Variants in ELMOD2 observed in about 807,000 individuals in gnomAD.
The protein encoded by ELMOD2 is ELMO domain-containing protein 2.
ELMOD2 carries 28 observed loss-of-function variants against 41.0 expected under a neutral mutation model. The ratio of observed to expected loss-of-function variants is 0.68; its 90% confidence interval spans 0.51 to 0.94. ELMOD2 has a LOEUF of 0.94. Ranked by LOEUF, ELMOD2 falls within the 40% of genes least tolerant of loss-of-function variation. ELMOD2 has a pLI of 0.00. For synonymous variants in ELMOD2, 106 were observed against 107.2 expected, an observed-to-expected ratio of 0.99 and a Z score of 0.07; for missense variants, 333 against 343.1, an observed-to-expected ratio of 0.97 and a Z score of 0.23.
In ELMOD2 at chr4:140,525,579, A is replaced by C; in HGVS notation, c.142+9A>C. ...AAGGACACACAGGATAGGTAATGTT[A>C]TTCAAAAAGAAAAAGTACTAATAAA... is the stretch of plus-strand genomic sequence containing the variant. On this transcript the variant is annotated intron_variant, in intron 2 of 8. Coordinates refer to ENST00000323570, the MANE Select transcript of ELMOD2 (RefSeq NM_153702.4). 1 of 1,588,978 alleles carries C rather than the reference A, an allele frequency of 6.3e-7. No individual in the cohort carries two copies.
At chr4:140,540,887 A>T (rs1283021782) in intron 6 of ELMOD2, among the ~76,000 whole-genome samples, 2 of 151,700 alleles carry the variant, frequency 1.3e-5, no homozygotes, top group African/African-American at 2.4e-5. Flanking sequence ...GCCTTTATTC[A>T]CTTGCTTTTT....
At chr4:140,537,302 A>T in intron 4 of ELMOD2, 110 bp from the exon 5 acceptor site, 1 of 1,002,668 alleles carries the variant, frequency 1.0e-6, no homozygotes, top group Non-Finnish European at 1.3e-6. Context: ...GTCTTATATT[A>T]AACTGAAAGC....
In ELMOD2 at chr4:140,550,444, AATT is replaced by A; in HGVS notation, c.*72_*74del. On this transcript the variant is annotated 3_prime_UTR_variant, in exon 9 of 9. Transcript: ENST00000323570. ...AACAGAATTTATATGTTGTAATAGG[AATT>A]ATCTGATCAATTACACTCTTATATA... 7.0e-7 allele frequency: 1 copy of A among 1,423,284 alleles called. No individual in the cohort carries two copies. Among genetic ancestry groups the A allele is most frequent in the Non-Finnish European group, 9.5e-7 (1 of 1,054,614 alleles). The allele number at this position is 1,423,284 out of a possible 1,614,324, so 88.2% of individuals were successfully genotyped here.
At chr4:140,524,598 C>T (rs1270380803) in intron 1 of ELMOD2, 1 of 985,480 alleles carries the variant, frequency 1.0e-6, no homozygotes, top group Non-Finnish European at 1.2e-6. Flanking sequence ...GCTATGCGCT[C>T]TTTCTGCACT....
chr4:140,539,972 T>A (rs1011050479), intron 5 of ELMOD2, among the ~76,000 whole-genome samples, 196 bp from the exon 6 acceptor site: 6 of 152,230 alleles, frequency 3.9e-5, no homozygotes, highest in African/African-American at 1.4e-4. Context: ...TTATTTGTTA[T>A]CTTTTCAAAA....
chr4:140,533,733 T>C (rs1035151290), intron 3 of ELMOD2, among the ~76,000 whole-genome samples: 2 of 152,160 alleles, frequency 1.3e-5, no homozygotes, highest in Non-Finnish European at 2.9e-5. Context: ...GACTTGTATC[T>C]AGTAAATAAC....
Position 140,525,560 on chromosome 4 carries a change from A to G in ELMOD2, c.132A>G (p.Thr44=). The G allele has an allele frequency of 6.2e-7, 1 of 1,609,058 alleles. No homozygotes were observed. The highest frequency in any genetic ancestry group is 1.1e-5 in the South Asian group (1 of 89,634). Residue 44 remains threonine, a synonymous_variant, in exon 2 of 9, where the codon ACA becomes ACG. Coordinates refer to ENST00000323570, the MANE Select transcript of ELMOD2 (RefSeq NM_153702.4). ...IFDTYVGAQR[T]HRIENSLTYS... is the part of the protein sequence containing the mutation. ...ATACCTATGTAGGTGCACAAAGGAC[A>G]CACAGGATAGGTAATGTTATTCAAA...
At chr4:140,544,513 G>A (rs1196216480) in intron 8 of ELMOD2, among the ~76,000 whole-genome samples, 2 of 151,878 alleles carry the variant, frequency 1.3e-5, no homozygotes, top group Non-Finnish European at 1.5e-5. Flanking sequence ...TCTCCACATT[G>A]AAAGTATAGT....
chr4:140,544,849 G>A (rs1735222121), intron 8 of ELMOD2, among the ~76,000 whole-genome samples: 1 of 152,064 alleles, frequency 6.6e-6, no homozygotes, highest in Non-Finnish European at 1.5e-5. Flanking sequence ...GCTCTTCTCT[G>A]GGAAGTTTAT....
rs748154758 is a variant in ELMOD2, at chr4:140,535,806, ATATT to A, written c.246_249del (p.Asn82LysfsTer13). On this transcript the variant is annotated frameshift_variant, in exon 4 of 9. Transcript: ENST00000323570. LOFTEE classifies it high-confidence loss of function. ...GTAGATGATATTATGAAGGAAAAGA[ATATT>A]AACCCTGAGAAGGATGCCAGGTGTG... 6.2e-7 allele frequency: 1 copy of A among 1,609,224 alleles called. No individual in the cohort carries two copies. The highest frequency in any genetic ancestry group is 1.1e-5 in the South Asian group (1 of 89,538).
intron 8 of ELMOD2, 65 bp downstream of exon 8, chr4:140,543,651 T>A: frequency 8.2e-7 from 1 of 1,213,328 alleles, no homozygotes; most frequent in Middle Eastern, 2.9e-4. Context: ...TAGGAATGTA[T>A]AATATATATT....
At chr4:140,538,925 C>G (rs545290341) in intron 5 of ELMOD2, among the ~76,000 whole-genome samples, 28 of 152,306 alleles carry the variant, frequency 1.8e-4, no homozygotes, top group African/African-American at 6.3e-4. Flanking sequence ...TGGTTCTACA[C>G]TGTGGCTCTC....
chr4:140,531,763 T>G (rs1389624024), intron 3 of ELMOD2, among the ~76,000 whole-genome samples: 1 of 152,224 alleles, frequency 6.6e-6, no homozygotes, highest in Non-Finnish European at 1.5e-5. Flanking sequence ...GCCAGTAAAT[T>G]GTTTGATTTT....
At chr4:140,549,681 C>CTTTTTT (rs10538089) in intron 8 of ELMOD2, among the ~76,000 whole-genome samples, 5 of 42,968 alleles carry the variant, frequency 1.2e-4, no homozygotes, top group African/African-American at 2.3e-4. Context: ...AGTACTACAT[C>CTTTTTT]TTTTTTTTTT....
At position 140,542,538 on chromosome 4, in the gene ELMOD2, G is replaced by A. The variant is rs190121947; in HGVS notation, c.534-36G>A. On this transcript the variant is annotated intron_variant, in intron 6 of 8. Transcript: ENST00000323570. Reference sequence around the variant, plus strand: ...TCTGGATATCTTACATTTGAATGGCGTACATTTGTTTGATTATTTTTCTTA... The same window carrying A: ...TCTGGATATCTTACATTTGAATGGCATACATTTGTTTGATTATTTTTCTTA... The A allele has an allele frequency of 6.1e-6, 9 of 1,473,330 alleles. No individual in the cohort carries two copies. The East Asian group carries it at 6.9e-5, about 11-fold the overall frequency. 91.3% of individuals were successfully genotyped at this position (1,473,330 alleles called of 1,614,324 possible).
chr4:140,534,741 T>C (rs1354396282), intron 3 of ELMOD2, among the ~76,000 whole-genome samples: 3 of 152,098 alleles, frequency 2.0e-5, no homozygotes, highest in Non-Finnish European at 2.9e-5. Flanking sequence ...GCTCAAGATA[T>C]AAGAGTAAAT....
At chr4:140,549,037 A>C (rs2110887187) in intron 8 of ELMOD2, among the ~76,000 whole-genome samples, 1 of 150,442 alleles carries the variant, frequency 6.6e-6, no homozygotes, top group African/African-American at 2.4e-5. Context: ...ACTCCTTGGT[A>C]ATCCATGCCT....
rs1344985400 is a variant in ELMOD2 at position 140,525,703 on chromosome 4, C to T, written c.142+133C>T. ...ACTGAATTTCATAAGCTCTGAAGTC[C>T]CGCTTTGACTCCTTCAGCTCTAAAA... On this transcript the variant is annotated intron_variant, in intron 2 of 8. Coordinates refer to ENST00000323570, the MANE Select transcript of ELMOD2 (RefSeq NM_153702.4). 29 of 902,556 alleles carry T rather than the reference C, an allele frequency of 3.2e-5. No individual in the cohort carries two copies. In the Admixed American group the frequency reaches 1.1e-3, roughly 33 times the overall value. The allele number at this position is 902,556 out of a possible 1,614,324, so 55.9% of individuals were successfully genotyped here. A position where few individuals can be genotyped will look rare whatever the true frequency, so the allele number is the denominator to read the frequency against.
At chr4:140,525,816 A>C (rs1338749169) in intron 2 of ELMOD2, among the ~76,000 whole-genome samples, 1 of 152,226 alleles carries the variant, frequency 6.6e-6, no homozygotes, top group African/African-American at 2.4e-5. Flanking sequence ...GTTATTCCTT[A>C]GATTATAGTT....
Sources: gnomAD v4.1 joint callset for allele counts (sites outside exome capture counted in the v4.1 genomes callset) on GRCh38, gnomAD v4.1.1 for gene constraint, MANE v1.5 for transcripts, NCBI Gene and HGNC (gene_info 2026-07-23, HGNC 2026-07-21) for gene names.